CUBN: variants seen among roughly 807,000 people sequenced by gnomAD.
The protein encoded by CUBN is cubilin, also known as 460 kDa receptor.
CUBN carries 282 observed loss-of-function variants against 405.3 expected under a neutral mutation model. The observed-to-expected ratio is 0.70, with a 90% confidence interval of 0.63 to 0.77. The LOEUF (loss-of-function observed/expected upper bound fraction) is 0.77, where lower values mean the gene tolerates loss of function less well. Ranked by LOEUF, CUBN falls within the 30% of genes least tolerant of loss-of-function variation. The pLI, the probability that CUBN is intolerant of heterozygous loss-of-function variation, is 0.00. For missense variants in CUBN, 4,514 were observed against 4,475.2 expected, an observed-to-expected ratio of 1.01 and a Z score of -0.25; for synonymous variants, 1,684 against 1,617.0, an observed-to-expected ratio of 1.04 and a Z score of -0.99.
At position 16,940,152 on chromosome 10, in the gene CUBN, G is replaced by A. The variant is rs143944436; in HGVS notation, c.5428C>T (p.Arg1810Ter). 2.2e-4 allele frequency: 357 copies of A among 1,614,030 alleles called. 1 individual carries two copies. Among genetic ancestry groups the A allele is most frequent in the Non-Finnish European group, 2.7e-4 (315 of 1,179,908 alleles). Reference protein sequence around the residue: ...EGNATGHLVGRYCGNSFPLNY... With the variant: ...EGNATGHLVG The stretch of plus-strand genomic sequence containing the variant: ...AGAGGGAAGGAGTTTCCACAGTATC[G>A]TCCCACCAAGTGACCCGTGGCATTT... The change falls in exon 37 of 67, where the codon CGA becomes TGA. Residue 1810 changes from arginine (R) to a stop codon, truncating the protein, a stop_gained. Transcript: ENST00000377833. LOFTEE classifies it high-confidence loss of function.
chr10:16,888,692 G>C, intron 55 of CUBN, 126 bp from the exon 56 acceptor site: 1 of 811,552 alleles, frequency 1.2e-6, no homozygotes, highest in South Asian at 1.4e-5. Flanking sequence ...CCAAATGGAA[G>C]AAGCAAGAAT....
At chr10:16,893,850 A>G (rs1841105896) in intron 54 of CUBN, among the ~76,000 whole-genome samples, 1 of 152,214 alleles carries the variant, frequency 6.6e-6, no homozygotes, top group South Asian at 2.1e-4. Context: ...TTGTGTAAAC[A>G]TAGTTTTCAT....
chr10:16,973,199 G>A (rs776204375), intron 31 of CUBN, among the ~76,000 whole-genome samples: 20 of 152,178 alleles, frequency 1.3e-4, no homozygotes, highest in Middle Eastern at 3.4e-3. Flanking sequence ...CCAAATGTGC[G>A]TGCACCATTT....
chr10:17,127,657 C>T (rs1220546332), intron 3 of CUBN, among the ~76,000 whole-genome samples, 172 bp downstream of exon 3: 1 of 152,132 alleles, frequency 6.6e-6, no homozygotes, highest in African/African-American at 2.4e-5. Context: ...TGCCTTCTGT[C>T]CATCACTTCT....
At position 16,952,310 on chromosome 10, in the gene CUBN, C is replaced by T. The variant is rs1340719524; in HGVS notation, c.4935G>A (p.Gln1645=). 1 of 1,613,808 alleles carries T rather than the reference C, an allele frequency of 6.2e-7. No individual in the cohort carries two copies. Among genetic ancestry groups the T allele is most frequent in the Non-Finnish European group, 8.5e-7 (1 of 1,179,840 alleles). The part of the protein sequence containing the change: ...PRFPANYPNN[Q]NCSWIIQAQP... Reference sequence around the variant, plus strand: ...GCGCTTGAATGATCCAGCTGCAGTTCTGATTGTTTGGATAATTGGCAGGGA... The same window carrying T: ...GCGCTTGAATGATCCAGCTGCAGTTTTGATTGTTTGGATAATTGGCAGGGA... Residue 1645 remains glutamine (Q), a synonymous_variant, in exon 33 of 67, where the codon CAG becomes CAA. Transcript: ENST00000377833.
intron 5 of CUBN, 38 bp downstream of exon 5, chr10:17,123,550 A>T: frequency 7.0e-7 from 1 of 1,430,360 alleles, no homozygotes; most frequent in Non-Finnish European, 9.8e-7. Flanking sequence ...ACAGATGCTG[A>T]CCTGCCATCA....
intron 51 of CUBN, among the ~76,000 whole-genome samples, chr10:16,901,918 T>TATATATACACACAC (rs1236540013): frequency 9.1e-6 from 1 of 109,906 alleles, no homozygotes; most frequent in Non-Finnish European, 1.7e-5. Flanking sequence ...TATATATATA[T>TATATATACACACAC]ACACACACAC....
chr10:17,046,512 A>G (rs546680775), intron 23 of CUBN, among the ~76,000 whole-genome samples: 1 of 152,288 alleles, frequency 6.6e-6, no homozygotes, highest in Non-Finnish European at 1.5e-5. Flanking sequence ...GAAATGTAAT[A>G]TATCATATTT....
At chr10:17,122,425 G>T in intron 6 of CUBN, 1 of 365,684 alleles carries the variant, frequency 2.7e-6, no homozygotes, top group Non-Finnish European at 5.5e-6. Flanking sequence ...CACTGGTGTG[G>T]TGGGGTGTCC....
Position 16,840,195 on chromosome 10 carries a change from C to A in CUBN, c.10032+135G>T, listed in dbSNP as rs556418797. 1.3e-4 allele frequency: 95 copies of A among 732,958 alleles called. No homozygotes were observed. In the African/African-American group the frequency reaches 1.5e-3, roughly 12 times the overall value. The allele number at this position is 732,958 out of a possible 1,614,324, so 45.4% of individuals were successfully genotyped here. ...ATATGTAACAAACTTGCACATTGTG[C>A]GCATGTACCCTAAAACTTAAAGTAT... On this transcript the variant is annotated intron_variant, in intron 62 of 66. Coordinates refer to ENST00000377833, the MANE Select transcript of CUBN (RefSeq NM_001081.4).
Position 17,084,334 on chromosome 10 carries a change from T to C in CUBN, c.2238A>G (p.Ile746Met), listed in dbSNP as rs750046956. 4 of 1,614,164 alleles carry C rather than the reference T, an allele frequency of 2.5e-6. No homozygotes were observed. The East Asian group carries it at 6.7e-5, about 27-fold the overall frequency. The change falls in exon 17 of 67, where the codon ATA (isoleucine) becomes ATG (methionine). Residue 746 changes from isoleucine (I) to methionine (M), a missense_variant. Around this residue, in one of 5 missense-constraint regions of CUBN, gnomAD observed 1,448 missense variants for 1,388.0 expected, o/e 1.04. Coordinates refer to ENST00000377833, the MANE Select transcript of CUBN (RefSeq NM_001081.4). ...GCTCCACGTGGGTGAAGTTGATTTG[T>C]ATTTGTTCTCCCTGGGGCTGCTTCA... Reference protein sequence around the residue: ...YMMKQPQGEQIQINFTHVELQ... With the variant: ...YMMKQPQGEQMQINFTHVELQ...
intron 9 of CUBN, among the ~76,000 whole-genome samples, chr10:17,110,134 C>A (rs1201557324): frequency 6.6e-6 from 1 of 152,170 alleles, no homozygotes; most frequent in Non-Finnish European, 1.5e-5. Flanking sequence ...TCCCTTAGTA[C>A]TCCCTGAACT....
intron 28 of CUBN, among the ~76,000 whole-genome samples, chr10:16,995,986 T>G (rs1332982785): frequency 6.6e-6 from 1 of 152,188 alleles, no homozygotes. Flanking sequence ...ATGGCAGATG[T>G]GGGTACAAAA....
At chr10:16,903,657 A>T (rs1011417643) in intron 51 of CUBN, among the ~76,000 whole-genome samples, 4 of 147,606 alleles carry the variant, frequency 2.7e-5, no homozygotes, top group African/African-American at 9.8e-5. Flanking sequence ...TATTATTAAT[A>T]ATTATTTATT....
chr10:16,918,291 A>G (rs1564423183), intron 45 of CUBN, among the ~76,000 whole-genome samples: 2 of 152,194 alleles, frequency 1.3e-5, no homozygotes, highest in African/African-American at 2.4e-5. Context: ...TTTGGGGTCC[A>G]TATGAGTTTT....
chr10:16,948,237 T>G (rs568046967), intron 35 of CUBN, among the ~76,000 whole-genome samples: 51 of 152,292 alleles, frequency 3.3e-4, no homozygotes, highest in Non-Finnish European at 5.7e-4. Flanking sequence ...CCAAGTCATC[T>G]GATAGCATGG....
In CUBN at chr10:16,916,343, C is replaced by T. The variant is rs149144424; in HGVS notation, c.7001-313G>A. The stretch of plus-strand genomic sequence containing the variant: ...GGGACACTATGTAAGAGCTAATAGT[C>T]GCAAGTAAGTTTCATCTCAAGAACC... On this transcript the variant is annotated intron_variant, in intron 45 of 66. Coordinates refer to ENST00000377833, the MANE Select transcript of CUBN (RefSeq NM_001081.4). 6.4e-4 allele frequency among the ~76,000 whole-genome samples: 98 copies of T among 152,240 alleles called. No homozygotes were observed. In the East Asian group the frequency reaches 0.018, roughly 28 times the overall value.
chr10:17,043,803 T>A (rs1835064998), intron 26 of CUBN, 24 bp downstream of exon 26: 2 of 1,611,308 alleles, frequency 1.2e-6, no homozygotes, highest in Non-Finnish European at 1.7e-6. Context: ...TATACACACT[T>A]ACTCTGCCGG....
At position 16,939,143 on chromosome 10, in the gene CUBN, A is replaced by C; in HGVS notation, c.5553T>G (p.Phe1851Leu). Residue 1851 changes from phenylalanine to leucine, a missense_variant, in exon 38 of 67, where the codon TTT becomes TTG. Transcript: ENST00000377833. The stretch of plus-strand genomic sequence containing the variant: ...GAGTTCCCACAATATTATCATTGCC[A>C]AATACTAGGAGGGAAGACAGAGTAG... Reference protein sequence around the residue: ...TGFQATFMKIFGNDNIVGTHG... With the variant: ...TGFQATFMKILGNDNIVGTHG... The C allele has an allele frequency of 1.2e-6, 2 of 1,613,216 alleles. No homozygotes were observed. The highest frequency in any genetic ancestry group is 1.7e-6 in the Non-Finnish European group (2 of 1,179,176).
Sources: gnomAD v4.1 joint callset for allele counts (sites outside exome capture counted in the v4.1 genomes callset) on GRCh38, gnomAD v4.1.1 for gene constraint, gnomAD v4.1.1 regional missense constraint, MANE v1.5 for transcripts, NCBI Gene and HGNC (gene_info 2026-07-23, HGNC 2026-07-21) for gene names.